Variants in TMEM74 observed in about 807,000 individuals in gnomAD.
The protein encoded by TMEM74 is transmembrane protein 74.
Under a neutral mutation model 18.1 loss-of-function variants are expected in TMEM74, and 13 were observed. The observed-to-expected ratio is 0.72, with a 90% CI of 0.47 to 1.14. The LOEUF (loss-of-function observed/expected upper bound fraction) is 1.14, where lower values mean the gene tolerates loss of function less well. Among genes scored for constraint, TMEM74 ranks in the 50% most tolerant of loss-of-function variants. TMEM74 has a pLI of 0.00. For synonymous variants in TMEM74, 159 were observed against 146.6 expected (o/e 1.08, Z -0.61); for missense variants, 372 against 375.9 (o/e 0.99, Z 0.09).
At chr8:108,668,069 G>A (rs555628695) in intron 1 of TMEM74, among the ~76,000 whole-genome samples, 4 of 152,246 alleles carry the variant, frequency 2.6e-5, no homozygotes, top group African/African-American at 7.2e-5. Flanking sequence ...AAGATACCAT[G>A]CTCTATTTCA....
At chr8:108,656,532 T>A (rs768881829) in intron 1 of TMEM74, among the ~76,000 whole-genome samples, 8 of 152,194 alleles carry the variant, frequency 5.3e-5, no homozygotes, top group Non-Finnish European at 7.3e-5. Context: ...AAGAAAACTA[T>A]CATTTCACAA....
At position 108,620,853 on chromosome 8, in the gene TMEM74, G is replaced by A. The variant is rs115299794; in HGVS notation, n.265-12027C>T. Among the ~76,000 whole-genome samples, 860 of 152,202 alleles carry A rather than the reference G, an allele frequency of 5.7e-3. 7 individuals are homozygous for A. The highest frequency in any genetic ancestry group is 0.019 in the African/African-American group (800 of 41,536). On this transcript the variant is annotated intron_variant and non_coding_transcript_variant, in intron 2 of 3. Coordinates refer to the TMEM74 transcript ENST00000518838. Reference sequence around the variant, plus strand: ...AGTAAGAGTAAAGAGAAAGAAACTAGCATCATGACATAGAAGTGATATTGT... The same window carrying A: ...AGTAAGAGTAAAGAGAAAGAAACTAACATCATGACATAGAAGTGATATTGT...
chr8:108,653,693 A>G (rs1023316975), intron 2 of TMEM74, among the ~76,000 whole-genome samples: 9 of 152,166 alleles, frequency 5.9e-5, no homozygotes, highest in Non-Finnish European at 1.2e-4. Flanking sequence ...ATTATATAAG[A>G]AAAAAGCAAA....
rs1331634144 is a variant in TMEM74, at chr8:108,780,542, T to A, written c.*3639A>T. Among the ~76,000 whole-genome samples, 1 of 152,210 alleles carries A rather than the reference T, an allele frequency of 6.6e-6. No individual in the cohort carries two copies. The highest frequency in any genetic ancestry group is 1.5e-5 in the Non-Finnish European group (1 of 68,026). ...ACTGAGGTAAAGGCACACATAAGTT[T>A]GGCAGCGCAGTCTCTTTTCAGAAAT... On this transcript the variant is annotated 3_prime_UTR_variant, in exon 2 of 2. Transcript: ENST00000297459.
At chr8:108,608,213 A>T (rs1167242682) in intron 3 of TMEM74, among the ~76,000 whole-genome samples, 1 of 151,446 alleles carries the variant, frequency 6.6e-6, no homozygotes, top group African/African-American at 2.4e-5. Context: ...GAGGCAGGAG[A>T]ATCGCTTGAA....
At chr8:108,659,970 A>G (rs570271062) in intron 1 of TMEM74, among the ~76,000 whole-genome samples, 7 of 152,288 alleles carry the variant, frequency 4.6e-5, no homozygotes, top group South Asian at 2.1e-4. Flanking sequence ...AGAGCTCCTG[A>G]GACATTGACC....
At chr8:108,710,775 T>C (rs375833888) in intron 1 of TMEM74, among the ~76,000 whole-genome samples, 24 of 152,308 alleles carry the variant, frequency 1.6e-4, no homozygotes, top group East Asian at 7.7e-4. Context: ...GGCTCCCCAC[T>C]GTCCATCTGC....
At chr8:108,670,342 G>A (rs1418698808) in intron 1 of TMEM74, among the ~76,000 whole-genome samples, 1 of 152,270 alleles carries the variant, frequency 6.6e-6, no homozygotes, top group African/African-American at 2.4e-5. Context: ...CCTGCTTAGG[G>A]AATGATTTGC....
Position 108,783,634 on chromosome 8 carries a change from G to A in TMEM74, c.*547C>T, listed in dbSNP as rs1814336959. The A allele has an allele frequency of 1.3e-5, 2 of 152,060 alleles. No individual in the cohort carries two copies. Among genetic ancestry groups the A allele is most frequent in the African/African-American group, 4.8e-5 (2 of 41,388 alleles). 9.4% of individuals were successfully genotyped at this position (152,060 alleles called of 1,614,324 possible). A position where few individuals can be genotyped will look rare whatever the true frequency, so the allele number is the denominator to read the frequency against. On this transcript the variant is annotated 3_prime_UTR_variant, in exon 2 of 2. Coordinates refer to ENST00000297459, the MANE Select transcript of TMEM74 (RefSeq NM_153015.3). ...TCAAACATAACATTTTTTACAATAA[G>A]GAAAGCCCAACATCCTCAAACTTCA...
chr8:108,728,851 CATGTGTTTTTCTAAGCAA>C (rs1291944920), intron 1 of TMEM74, among the ~76,000 whole-genome samples: 1 of 152,092 alleles, frequency 6.6e-6, no homozygotes, highest in Non-Finnish European at 1.5e-5. Flanking sequence ...GTTAAGAAGC[CATGTGTTTTTCTAAGCAA>C]AACAGGAGGC....
At chr8:108,639,526 T>A (rs759161753) in intron 2 of TMEM74, among the ~76,000 whole-genome samples, 26 of 152,130 alleles carry the variant, frequency 1.7e-4, no homozygotes, top group Non-Finnish European at 2.5e-4. Context: ...AGGGCAGACA[T>A]GAGTATAATG....
chr8:108,784,035 T>C lies in TMEM74; in HGVS notation c.*146A>G, dbSNP rs925747921. ...GCTTTTCTTCTAAATAGAAGACACA[T>C]AGAGAACAAAAACACTTACTGGCTG... is the stretch of plus-strand genomic sequence containing the variant. On this transcript the variant is annotated 3_prime_UTR_variant, in exon 2 of 2. Transcript: ENST00000297459. The C allele has an allele frequency of 6.0e-6, 4 of 670,792 alleles. No homozygotes were observed. The highest frequency in any genetic ancestry group is 7.4e-6 in the Non-Finnish European group (3 of 406,326). 41.6% of individuals were successfully genotyped at this position (670,792 alleles called of 1,614,324 possible).
chr8:108,664,640 C>T (rs903526634), intron 1 of TMEM74, among the ~76,000 whole-genome samples: 11 of 151,976 alleles, frequency 7.2e-5, no homozygotes, highest in African/African-American at 2.7e-4. Context: ...TCTCTTTTGC[C>T]TGATTTCTCT....
intron 1 of TMEM74, among the ~76,000 whole-genome samples, chr8:108,722,255 G>C (rs1295817508): frequency 6.6e-6 from 1 of 152,144 alleles, no homozygotes; most frequent in Non-Finnish European, 1.5e-5. Context: ...TTACAGGTTT[G>C]GGGATTAGAA....
intron 2 of TMEM74, among the ~76,000 whole-genome samples, chr8:108,636,576 C>T (rs1179134427): frequency 6.6e-6 from 1 of 151,796 alleles, no homozygotes; most frequent in Non-Finnish European, 1.5e-5. Flanking sequence ...GATCTAAAAA[C>T]TAAGGCTGTA....
intron 1 of TMEM74, among the ~76,000 whole-genome samples, chr8:108,723,464 A>G (rs1440288438): frequency 2.6e-5 from 4 of 151,676 alleles, no homozygotes; most frequent in Non-Finnish European, 4.4e-5. Context: ...GTGTGTGCAT[A>G]TATATATATA....
intron 1 of TMEM74, among the ~76,000 whole-genome samples, chr8:108,685,369 A>T (rs1006988281): frequency 7.2e-5 from 11 of 152,120 alleles, no homozygotes; most frequent in Non-Finnish European, 1.2e-4. Context: ...TATATGTAAG[A>T]TCAGTCATCT....
intron 1 of TMEM74, among the ~76,000 whole-genome samples, chr8:108,712,166 G>T (rs575850954): frequency 9.9e-4 from 151 of 152,232 alleles, no homozygotes; most frequent in African/African-American, 3.4e-3. Flanking sequence ...TCTGATGCAT[G>T]CTTAAGTTTG....
intron 3 of TMEM74, among the ~76,000 whole-genome samples, chr8:108,608,043 C>T (rs1660135089): frequency 1.3e-5 from 2 of 152,018 alleles, no homozygotes; most frequent in African/African-American, 4.8e-5. Flanking sequence ...GTGGCTCACA[C>T]CTGTAATCCC....
Sources: gnomAD v4.1 joint callset for allele counts (sites outside exome capture counted in the v4.1 genomes callset) on GRCh38, gnomAD v4.1.1 for gene constraint, MANE v1.5 for transcripts, NCBI Gene and HGNC (gene_info 2026-07-23, HGNC 2026-07-21) for gene names.